The following SEL1L variants were observed in gnomAD, a reference collection of about 807,000 sequenced individuals.
SEL1L encodes SEL1L adaptor subunit of SYVN1 ubiquitin ligase, also known as protein sel-1 homolog 1.
A neutral mutation model predicts 109.8 loss-of-function variants in SEL1L; 52 were observed. That is an observed-to-expected ratio of 0.47 (90% confidence interval 0.38 to 0.60). The LOEUF is 0.60. SEL1L is among the 20% of genes least tolerant of loss of function. SEL1L has a pLI of 0.00. For missense variants in SEL1L, 749 were observed against 962.2 expected (o/e 0.78, Z 2.93); for synonymous variants, 373 against 339.6 (o/e 1.10, Z -1.08).
At chr14:81,528,614 C>T (rs1175705493) in intron 1 of SEL1L, among the ~76,000 whole-genome samples, 1 of 152,104 alleles carries the variant, frequency 6.6e-6, no homozygotes, top group African/African-American at 2.4e-5. Context: ...TTTAAAACAG[C>T]GAATCTGTCA....
In SEL1L at chr14:81,496,089, C is replaced by T. The variant is rs955738827; in HGVS notation, c.1129-952G>A. ...CTGTAATCCCAGCACTTTGGGAGGC[C>T]GAGGCGGGCAGATCACGAGGTCAGG... is the stretch of plus-strand genomic sequence containing the variant. On this transcript the variant is annotated intron_variant, in intron 10 of 20. Transcript: ENST00000336735. Among the ~76,000 whole-genome samples the T allele has an allele frequency of 4.6e-5, 7 of 152,052 alleles. No homozygotes were observed. In the South Asian group the frequency reaches 6.2e-4, roughly 14 times the overall value.
chr14:81,489,315 C>G lies in SEL1L; in HGVS notation c.1333-1G>C. On this transcript the variant is annotated splice_acceptor_variant, in intron 13 of 20. Coordinates refer to ENST00000336735, the MANE Select transcript of SEL1L (RefSeq NM_005065.6). LOFTEE classifies it high-confidence loss of function. ...GCCCACTCTGTCCAACTGGGTTGCC[C>G]TGCAAAGCAGAGAAATCAGACAAAA... is the stretch of plus-strand genomic sequence containing the variant. 1 of 1,613,556 alleles carries G rather than the reference C, an allele frequency of 6.2e-7. No homozygotes were observed. Among genetic ancestry groups the G allele is most frequent in the Non-Finnish European group, 8.5e-7 (1 of 1,179,622 alleles).
At chr14:81,520,781 A>G (rs1442888959) in intron 3 of SEL1L, among the ~76,000 whole-genome samples, 2 of 152,224 alleles carry the variant, frequency 1.3e-5, no homozygotes, top group African/African-American at 4.8e-5. Context: ...TCATTATACA[A>G]AAACCTGGGA....
At chr14:81,488,795 A>C (rs1357328987) in intron 14 of SEL1L, 4 of 206,438 alleles carry the variant, frequency 1.9e-5, no homozygotes, top group Non-Finnish European at 3.8e-5. Flanking sequence ...TAAGAACTCA[A>C]GAGTGAATGA....
intron 5 of SEL1L, 56 bp from the exon 6 acceptor site, chr14:81,502,939 G>A (rs1014787570): frequency 1.2e-5 from 18 of 1,441,208 alleles, no homozygotes; most frequent in Non-Finnish European, 1.6e-5. Context: ...CTGCCATTAA[G>A]TTTTTTTGAT....
chr14:81,479,557 C>G, intron 20 of SEL1L, 55 bp downstream of exon 20: 2 of 1,559,312 alleles, frequency 1.3e-6, no homozygotes, highest in Non-Finnish European at 1.7e-6. Context: ...AACAAACCTC[C>G]AGGACAGACC....
chr14:81,529,008 A>G (rs1461917915), intron 1 of SEL1L, among the ~76,000 whole-genome samples: 1 of 152,200 alleles, frequency 6.6e-6, no homozygotes, highest in Non-Finnish European at 1.5e-5. Context: ...GCCATATATG[A>G]AAGTGCTGTC....
At chr14:81,499,557 C>T (rs200168890) in intron 7 of SEL1L, 39 bp from the exon 8 acceptor site, 63 of 1,605,470 alleles carry the variant, frequency 3.9e-5, no homozygotes, top group African/African-American at 1.2e-4. Context: ...AACATAGGCA[C>T]GCATTTATTC....
intron 6 of SEL1L, among the ~76,000 whole-genome samples, chr14:81,502,213 A>G (rs1884043918): frequency 6.6e-6 from 1 of 152,186 alleles, no homozygotes; most frequent in South Asian, 2.1e-4. Flanking sequence ...CACAAAGAGA[A>G]AGATCTATTA....
intron 9 of SEL1L, 52 bp from the exon 10 acceptor site, chr14:81,498,098 C>G (rs183684125): frequency 6.5e-7 from 1 of 1,549,824 alleles, no homozygotes; most frequent in East Asian, 2.3e-5. Flanking sequence ...AAGAATTGTT[C>G]CAGAGAGAGA....
intron 19 of SEL1L, among the ~76,000 whole-genome samples, chr14:81,483,995 G>A (rs1452274622): frequency 2.6e-5 from 4 of 152,202 alleles, no homozygotes; most frequent in Admixed American, 2.6e-4. Context: ...CCATTTTCAT[G>A]AGTCTGTCTT....
chr14:81,490,507 T>C (rs764352959), intron 12 of SEL1L, 42 bp from the exon 13 acceptor site: 1 of 1,428,784 alleles, frequency 7.0e-7, no homozygotes, highest in Non-Finnish European at 9.9e-7. Flanking sequence ...TGTAACCCTC[T>C]CTCCAATTAC....
chr14:81,533,634 C>T, intron 1 of SEL1L, 41 bp downstream of exon 1: 1 of 1,593,456 alleles, frequency 6.3e-7, no homozygotes, highest in Non-Finnish European at 8.6e-7. Context: ...GGCTGGGGGG[C>T]GGAGGCTCTG....
intron 3 of SEL1L, among the ~76,000 whole-genome samples, chr14:81,514,895 A>T (rs1315275526): frequency 6.6e-6 from 1 of 152,200 alleles, no homozygotes; most frequent in East Asian, 1.9e-4. Context: ...GGAAGTATCA[A>T]TTACAATACT....
At chr14:81,530,150 C>T (rs868657066) in intron 1 of SEL1L, among the ~76,000 whole-genome samples, 2 of 152,282 alleles carry the variant, frequency 1.3e-5, no homozygotes, top group South Asian at 2.1e-4. Context: ...CCATTCATCA[C>T]GTAAATTAAA....
chr14:81,517,932 T>A (rs112012980), intron 3 of SEL1L, among the ~76,000 whole-genome samples: 2,367 of 137,556 alleles, frequency 0.017, 26 homozygotes, highest in Middle Eastern at 0.021. Flanking sequence ...GGACTGAACT[T>A]CTTCTTCTTT....
intron 3 of SEL1L, among the ~76,000 whole-genome samples, chr14:81,524,988 T>C (rs1050685500): frequency 6.6e-6 from 1 of 152,140 alleles, no homozygotes; most frequent in Non-Finnish European, 1.5e-5. Flanking sequence ...TTGAAGCAAC[T>C]AGAAAAATTA....
At chr14:81,527,853 C>T (rs1334497792) in intron 1 of SEL1L, 115 bp from the exon 2 acceptor site, 3 of 644,006 alleles carry the variant, frequency 4.7e-6, no homozygotes, top group Admixed American at 3.0e-5. Flanking sequence ...GATAAATAAA[C>T]ATAGAATTAT....
At chr14:81,515,134 G>A (rs1339172774) in intron 3 of SEL1L, among the ~76,000 whole-genome samples, 1 of 152,050 alleles carries the variant, frequency 6.6e-6, no homozygotes, top group African/African-American at 2.4e-5. Context: ...AACAAGCAAA[G>A]AAATCTCCAA....
Sources: gnomAD v4.1 joint callset for allele counts (sites outside exome capture counted in the v4.1 genomes callset) on GRCh38, gnomAD v4.1.1 for gene constraint, MANE v1.5 for transcripts, NCBI Gene and HGNC (gene_info 2026-07-23, HGNC 2026-07-21) for gene names.